The following DRC11L variants were observed in gnomAD, a reference collection of about 807,000 sequenced individuals.
DRC11L encodes the protein dynein regulatory complex subunit like-11.
the DRC11L span, among the ~76,000 whole-genome samples, chr7:151,201,157 C>T: frequency 6.6e-6 from 1 of 152,384 alleles, no homozygotes; most frequent in South Asian, 2.1e-4. This position sits in a 1 kb window ranked among gnomAD's most constrained non-coding sequence, Gnocchi z 4.1. Context: ...AGGGCCCGGG[C>T]CAGCCAGTGC....
the DRC11L span, among the ~76,000 whole-genome samples, chr7:151,202,402 T>G: frequency 6.6e-6 from 1 of 152,250 alleles, no homozygotes; most frequent in Non-Finnish European, 1.5e-5. Context: ...TTCTATGCTA[T>G]TATGGATCTT....
chr7:151,195,203 T>C, the DRC11L span, among the ~76,000 whole-genome samples: 1 of 152,172 alleles, frequency 6.6e-6, no homozygotes, highest in African/African-American at 2.4e-5. Flanking sequence ...GATCTCGCTC[T>C]GCATCTCACG....
At chr7:151,195,295 C>G in the DRC11L span, 2 of 397,554 alleles carry the variant, frequency 5.0e-6, no homozygotes, top group Non-Finnish European at 8.9e-6. Context: ...GTGAACGAGG[C>G]CAGGGAGTCA....
At chr7:151,193,394 C>T in the DRC11L span, 1 of 399,502 alleles carries the variant, frequency 2.5e-6, no homozygotes. Flanking sequence ...AGTTTCTGTG[C>T]ACACTGCCTT....
chr7:151,197,940 G>A, the DRC11L span: 2 of 398,116 alleles, frequency 5.0e-6, no homozygotes, highest in African/African-American at 4.1e-5. Flanking sequence ...ACAGAAAGAT[G>A]AATAGATGGA....
chr7:151,192,506 G>T, the DRC11L span: 2 of 398,788 alleles, frequency 5.0e-6, no homozygotes, highest in Non-Finnish European at 8.8e-6. Context: ...GTGGCCCAGC[G>T]TATGGGGCTC....
chr7:151,201,030 T>C, the DRC11L span, among the ~76,000 whole-genome samples: 1 of 151,990 alleles, frequency 6.6e-6, no homozygotes. The surrounding 1 kb of genome is among the most constrained non-coding windows in gnomAD (Gnocchi z 4.1). Context: ...CAAGACCCCA[T>C]CTGTGCAGAG....
At chr7:151,202,678 C>T in the DRC11L span, among the ~76,000 whole-genome samples, 1 of 152,048 alleles carries the variant, frequency 6.6e-6, no homozygotes, top group African/African-American at 2.4e-5. Flanking sequence ...ATGGTGAAAC[C>T]CATCTCTACT....
chr7:151,201,682 T>C, the DRC11L span, among the ~76,000 whole-genome samples: 6 of 152,244 alleles, frequency 3.9e-5, no homozygotes, highest in African/African-American at 1.4e-4. This position sits in a 1 kb window ranked among gnomAD's most constrained non-coding sequence, Gnocchi z 4.1. Flanking sequence ...TTTTGAGGTA[T>C]TGGGACTTGA....
chr7:151,195,643 G>C, the DRC11L span: 1 of 399,572 alleles, frequency 2.5e-6, no homozygotes, highest in Admixed American at 4.4e-5. Flanking sequence ...AGCTCCTGAC[G>C]CATCAGCTCA....
chr7:151,193,399 T>G, the DRC11L span: 1 of 399,424 alleles, frequency 2.5e-6, no homozygotes, highest in East Asian at 3.6e-5. Flanking sequence ...CTGTGCACAC[T>G]GCCTTGACCA....
chr7:151,195,033 C>T, the DRC11L span, among the ~76,000 whole-genome samples: 2 of 152,150 alleles, frequency 1.3e-5, no homozygotes, highest in Admixed American at 6.5e-5. Context: ...CTCTCTTTAC[C>T]AGACAAGTCA....
At chr7:151,202,527 C>T in the DRC11L span, among the ~76,000 whole-genome samples, 1 of 152,164 alleles carries the variant, frequency 6.6e-6, no homozygotes, top group South Asian at 2.1e-4. Flanking sequence ...TACATGCTTG[C>T]TGACTGATTA....
chr7:151,203,360 A>T, the DRC11L span: 2 of 399,310 alleles, frequency 5.0e-6, no homozygotes, highest in Admixed American at 8.8e-5. Context: ...GAGATGGGGT[A>T]TGGAAGAGTC....
At chr7:151,192,096 T>C in the DRC11L span, among the ~76,000 whole-genome samples, 3 of 152,280 alleles carry the variant, frequency 2.0e-5, no homozygotes, top group Admixed American at 6.5e-5. Flanking sequence ...TCGGAGGACA[T>C]AGACCACCTG....
chr7:151,196,723 G>C, the DRC11L span, among the ~76,000 whole-genome samples: 1 of 152,216 alleles, frequency 6.6e-6, no homozygotes, highest in Non-Finnish European at 1.5e-5. Flanking sequence ...CCACCAGCCT[G>C]GCATTGCTTC....
At chr7:151,204,380 C>T in the DRC11L span, 6 of 387,492 alleles carry the variant, frequency 1.5e-5, no homozygotes, top group Middle Eastern at 6.4e-4. Flanking sequence ...CGGCCCCATC[C>T]CTACCCCACC....
At chr7:151,192,582 C>T in the DRC11L span, 5 of 398,374 alleles carry the variant, frequency 1.3e-5, no homozygotes. Context: ...GGAGGCTGCC[C>T]ATCCTGCTTT....
At chr7:151,197,688 T>G in the DRC11L span, 1 of 391,914 alleles carries the variant, frequency 2.6e-6, no homozygotes, top group East Asian at 3.6e-5. Context: ...GCCGTCTTTC[T>G]AGCTGCCTGC....
Sources: allele counts gnomAD v4.1 joint callset (sites outside exome capture counted in the v4.1 genomes callset), GRCh38; gene constraint gnomAD v4.1.1; non-coding constraint Gnocchi (gnomAD v3.1); transcripts MANE v1.5; gene names NCBI Gene and HGNC (gene_info 2026-07-23, HGNC 2026-07-21).